The following EXOC4 variants were observed in gnomAD, a reference collection of about 807,000 sequenced individuals.
EXOC4 encodes the protein exocyst complex component 4.
In EXOC4, 71 loss-of-function variants were observed where a neutral mutation model predicts 107.2. The ratio of observed to expected loss-of-function variants is 0.66; its 90% CI spans 0.55 to 0.81. The LOEUF is 0.81. EXOC4 is among the 30% of genes least tolerant of loss of function. The pLI, the probability that EXOC4 is intolerant of heterozygous loss-of-function variation, is 0.00. For synonymous variants in EXOC4, 456 were observed against 441.2 expected, an observed-to-expected ratio of 1.03 and a Z score of -0.42; for missense variants, 1,108 against 1,189.6, an observed-to-expected ratio of 0.93 and a Z score of 1.01.
intron 9 of EXOC4, among the ~76,000 whole-genome samples, chr7:133,609,693 A>G (rs1245353673): frequency 7.9e-5 from 12 of 152,270 alleles, no homozygotes; most frequent in Non-Finnish European, 4.4e-5. Context: ...TGATAAAATT[A>G]TAAGAATCAT....
chr7:133,498,751 A>G (rs746428616), intron 9 of EXOC4, among the ~76,000 whole-genome samples: 4 of 152,196 alleles, frequency 2.6e-5, no homozygotes, highest in Non-Finnish European at 5.9e-5. Flanking sequence ...CGTATGTACT[A>G]GTACTAAACC....
At chr7:133,441,825 G>A (rs1169694408) in intron 7 of EXOC4, among the ~76,000 whole-genome samples, 1 of 152,182 alleles carries the variant, frequency 6.6e-6, no homozygotes, top group East Asian at 1.9e-4. Context: ...CTGTGTGTTT[G>A]TGTGTGGGGG....
At chr7:133,674,562 T>A (rs1488725333) in intron 10 of EXOC4, among the ~76,000 whole-genome samples, 1 of 152,216 alleles carries the variant, frequency 6.6e-6, no homozygotes, top group African/African-American at 2.4e-5. Context: ...ATGTTTGCTT[T>A]CTAATGTTTC....
At chr7:134,076,664 T>G in the EXOC4 span, among the ~76,000 whole-genome samples, 6 of 150,556 alleles carry the variant, frequency 4.0e-5, no homozygotes, top group Non-Finnish European at 8.8e-5. Context: ...AAAAAATATA[T>G]AAATATATAT....
chr7:133,414,348 A>G (rs1431677769), intron 7 of EXOC4, among the ~76,000 whole-genome samples: 2 of 152,200 alleles, frequency 1.3e-5, no homozygotes, highest in Non-Finnish European at 2.9e-5. Context: ...AAGAAACAGG[A>G]ACTCTTGTAT....
chr7:133,688,582 G>A (rs367844931), intron 10 of EXOC4, among the ~76,000 whole-genome samples: 1 of 152,106 alleles, frequency 6.6e-6, no homozygotes, highest in African/African-American at 2.4e-5. Context: ...GAAGAACGTG[G>A]CCTGAATATA....
chr7:133,348,373 T>C (rs934385229), intron 5 of EXOC4, among the ~76,000 whole-genome samples: 1 of 152,178 alleles, frequency 6.6e-6, no homozygotes, highest in Admixed American at 6.5e-5. Flanking sequence ...ACCTGGCTTA[T>C]TTGTTGTTCT....
rs1795483239 is a variant in EXOC4, at chr7:134,040,199, C to T, written c.2688-24092C>T. Among the ~76,000 whole-genome samples the T allele has an allele frequency of 1.3e-5, 2 of 152,208 alleles. 1 individual carries two copies. The highest frequency in any genetic ancestry group is 4.1e-4 in the South Asian group (2 of 4,828). On this transcript the variant is annotated intron_variant, in intron 17 of 17. Coordinates refer to ENST00000253861, the MANE Select transcript of EXOC4 (RefSeq NM_021807.4). ...TAGATAGACTAATCATCCCAAGATACTGCTTCTCTGAATTTTTTGCCCAAT... is the reference window on the plus strand; with the variant it reads ...TAGATAGACTAATCATCCCAAGATATTGCTTCTCTGAATTTTTTGCCCAAT...
chr7:133,282,769 C>G (rs117269840), intron 2 of EXOC4, among the ~76,000 whole-genome samples: 421 of 152,264 alleles, frequency 2.8e-3, no homozygotes, highest in Non-Finnish European at 5.0e-3. Context: ...ACATGCTTAT[C>G]AGTTATTTGT....
chr7:133,510,694 T>C (rs1584967624), intron 9 of EXOC4, among the ~76,000 whole-genome samples: 1 of 152,234 alleles, frequency 6.6e-6, no homozygotes, highest in East Asian at 1.9e-4. Context: ...CTCACTGTTA[T>C]AGTGATTTTC....
chr7:133,997,760 T>A, intron 15 of EXOC4, 127 bp downstream of exon 15: 1 of 1,095,798 alleles, frequency 9.1e-7, no homozygotes, highest in Non-Finnish European at 1.3e-6. Context: ...CTTTTTACAC[T>A]GAAAGTGATT....
chr7:133,425,534 G>A (rs1217503323), intron 7 of EXOC4, among the ~76,000 whole-genome samples: 3 of 152,048 alleles, frequency 2.0e-5, no homozygotes, highest in Non-Finnish European at 2.9e-5. Flanking sequence ...CAATCCACCC[G>A]CCTCAGCCTC....
At chr7:133,532,515 G>A (rs1186269599) in intron 9 of EXOC4, among the ~76,000 whole-genome samples, 1 of 151,966 alleles carries the variant, frequency 6.6e-6, no homozygotes, top group Non-Finnish European at 1.5e-5. Context: ...ATGGAGCTAT[G>A]GTCATAACTT....
rs556475886 is a variant in EXOC4, at chr7:133,348,256, A to C, written c.764-8074A>C. Among the ~76,000 whole-genome samples the C allele has an allele frequency of 8.9e-4, 135 of 152,324 alleles. 1 individual carries two copies. The highest frequency in any genetic ancestry group is 1.4e-3 in the Non-Finnish European group (95 of 68,034). ...GTGAAATAGATAATATAAATTAATT[A>C]ATATTGGATCTGTTCAGTGTTTATG... On this transcript the variant is annotated intron_variant, in intron 5 of 17. Coordinates refer to ENST00000253861, the MANE Select transcript of EXOC4 (RefSeq NM_021807.4).
rs1357724235 is a variant in EXOC4, at chr7:133,740,802, C to T, written c.1515-76523C>T. On this transcript the variant is annotated intron_variant, in intron 10 of 17. Coordinates refer to ENST00000253861, the MANE Select transcript of EXOC4 (RefSeq NM_021807.4). ...TGTGATCCTCTAGGAATGATGGCCC[C>T]ATTAGATAGTAGGCATAGGTTCTCA... is the stretch of plus-strand genomic sequence containing the variant. Among the ~76,000 whole-genome samples, 3 of 152,212 alleles carry T rather than the reference C, an allele frequency of 2.0e-5. No individual in the cohort carries two copies. In the South Asian group the frequency reaches 6.2e-4, roughly 32 times the overall value.
intron 9 of EXOC4, among the ~76,000 whole-genome samples, chr7:133,558,745 A>T (rs1478589041): frequency 6.6e-6 from 1 of 152,118 alleles, no homozygotes; most frequent in African/African-American, 2.4e-5. Flanking sequence ...AGTCCCGATC[A>T]TCTTAAGATA....
intron 11 of EXOC4, among the ~76,000 whole-genome samples, chr7:133,887,867 C>A (rs1024094622): frequency 6.6e-6 from 1 of 152,106 alleles, no homozygotes; most frequent in Non-Finnish European, 1.5e-5. Flanking sequence ...TTCTTCTTAG[C>A]GTAGGGACGT....
chr7:133,363,640 A>G (rs1563036104), intron 6 of EXOC4, among the ~76,000 whole-genome samples: 2 of 149,276 alleles, frequency 1.3e-5, no homozygotes, highest in Admixed American at 6.7e-5. Context: ...CCTACTCTCG[A>G]TTTCTCTTGT....
At chr7:133,474,197 T>A (rs1798953413) in intron 7 of EXOC4, among the ~76,000 whole-genome samples, 1 of 152,224 alleles carries the variant, frequency 6.6e-6, no homozygotes. Context: ...GGTAGCATGT[T>A]TTAATTTGCT....
Sources: allele counts gnomAD v4.1 joint callset (sites outside exome capture counted in the v4.1 genomes callset), GRCh38; gene constraint gnomAD v4.1.1; transcripts MANE v1.5; gene names NCBI Gene and HGNC (gene_info 2026-07-23, HGNC 2026-07-21).